Variants in FRMD1 observed in about 807,000 individuals in gnomAD.
FRMD1 encodes the protein FERM domain-containing protein 1.
A neutral mutation model predicts 54.9 loss-of-function variants in FRMD1; 51 were observed. That is an observed-to-expected ratio of 0.93 (90% CI 0.74 to 1.17). The LOEUF (loss-of-function observed/expected upper bound fraction) is 1.17. FRMD1 is among the 50% of genes most tolerant of loss of function. FRMD1 has a pLI of 0.00. For missense variants in FRMD1, 729 were observed against 743.0 expected, an observed-to-expected ratio of 0.98 and a Z score of 0.22; for synonymous variants, 324 against 306.4, an observed-to-expected ratio of 1.06 and a Z score of -0.60.
chr6:168,071,182 G>A (rs1348989956), intron 2 of FRMD1, among the ~76,000 whole-genome samples: 1 of 152,188 alleles, frequency 6.6e-6, no homozygotes, highest in Non-Finnish European at 1.5e-5. Context: ...AGGCCAGGTG[G>A]AGCCCACTCT....
At position 168,060,905 on chromosome 6, in the gene FRMD1, C is replaced by G. The variant is rs1167330038; in HGVS notation, c.1198G>C (p.Gly400Arg). 9.9e-6 allele frequency: 16 copies of G among 1,613,848 alleles called. No individual in the cohort carries two copies. The highest frequency in any genetic ancestry group is 1.4e-5 in the Non-Finnish European group (16 of 1,180,034). The change falls in exon 9 of 11, where the codon GGC becomes CGC. Residue 400 changes from glycine to arginine, a missense_variant. Coordinates refer to ENST00000283309, the MANE Select transcript of FRMD1 (RefSeq NM_024919.6). ...ADSHGSSYTS[G>R]IKANSWLRES... ...CTGAGCCAGGAGTTGGCCTTGATGC[C>G]TGACGTGTAGGAACTGCCGTGGCTG...
At chr6:168,079,265 A>G, upstream of FRMD1, 1 of 1,295,124 alleles carries the variant, frequency 7.7e-7, no homozygotes, top group East Asian at 2.6e-5. Flanking sequence ...GACAAGGGTC[A>G]GAGCTGCAAA....
rs758498585 is a variant in FRMD1, at chr6:168,066,774, C to G, written c.442G>C (p.Glu148Gln). The change falls in exon 4 of 11, where the codon GAA becomes CAA. Residue 148 changes from glutamate to glutamine, a missense_variant. Glu to Gln is a conservative substitution (Grantham distance 29). Transcript: ENST00000283309. ...VAFLRVQHYV[E>Q]NGRVISDHRA... is the part of the protein sequence containing the mutation. ...CGTTACCTTATGACCCTTCCGTTTT[C>G]CACGTAGTGCTGCACTCGGAGGAAG... 3 of 1,613,886 alleles carry G rather than the reference C, an allele frequency of 1.9e-6. No individual in the cohort carries two copies. In the Admixed American group the frequency reaches 5.0e-5, roughly 27 times the overall value.
rs139482964 is a variant in FRMD1 at position 168,092,807 on chromosome 6, C to T, written c.-12+8618G>A. Among the ~76,000 whole-genome samples, 633 of 152,338 alleles carry T rather than the reference C, an allele frequency of 4.2e-3. 5 individuals are homozygous for T. Among genetic ancestry groups the T allele is most frequent in the African/African-American group, 0.014 (598 of 41,572 alleles). ...CCAGTCACCACCAGGGTGACCTCTGCGGCAGCCACCCCGTGAGCAGGCCTG... is the reference window on the plus strand; with the variant it reads ...CCAGTCACCACCAGGGTGACCTCTGTGGCAGCCACCCCGTGAGCAGGCCTG... On this transcript the variant is annotated intron_variant, in intron 1 of 12. Coordinates refer to the FRMD1 transcript ENST00000644440.
At position 168,057,049 on chromosome 6, in the gene FRMD1, CA is replaced by C; in HGVS notation, c.*47del. 7.0e-7 allele frequency: 1 copy of C among 1,433,156 alleles called. No homozygotes were observed. Among genetic ancestry groups the C allele is most frequent in the Non-Finnish European group, 9.2e-7 (1 of 1,091,322 alleles). The allele number at this position is 1,433,156 out of a possible 1,614,324, so 88.8% of individuals were successfully genotyped here. A position where few individuals can be genotyped will look rare whatever the true frequency, so the allele number is the denominator to read the frequency against. Reference sequence around the variant, plus strand: ...GAGGGCCATGTGGAAGTGGGGTGGGCAGGGGCTGAGCCTGGCGGTGCGGACG... The same window carrying C: ...GAGGGCCATGTGGAAGTGGGGTGGGCGGGGCTGAGCCTGGCGGTGCGGACG... On this transcript the variant is annotated 3_prime_UTR_variant, in exon 11 of 11. Transcript: ENST00000283309.
intron 1 of FRMD1, among the ~76,000 whole-genome samples, chr6:168,092,648 C>T (rs1328051837): frequency 1.3e-5 from 2 of 152,236 alleles, no homozygotes; most frequent in Non-Finnish European, 2.9e-5. Flanking sequence ...GCCCTCACCA[C>T]ACACCAAATT....
chr6:168,076,324 G>T (rs990490349), intron 1 of FRMD1, among the ~76,000 whole-genome samples: 1 of 152,212 alleles, frequency 6.6e-6, no homozygotes, highest in Non-Finnish European at 1.5e-5. Flanking sequence ...TGAGTATCCA[G>T]CTTACTAATC....
At chr6:168,084,632 G>T (rs1400426692), upstream of FRMD1, among the ~76,000 whole-genome samples, 1 of 152,214 alleles carries the variant, frequency 6.6e-6, no homozygotes, top group Non-Finnish European at 1.5e-5. Flanking sequence ...AAAGGCAGGC[G>T]TGCAGGACCC....
At chr6:168,065,733 C>T in intron 4 of FRMD1, 1 of 988,602 alleles carries the variant, frequency 1.0e-6, no homozygotes, top group African/African-American at 1.7e-5. Context: ...AACCACACAC[C>T]TTTCACTCTC....
At chr6:168,072,356 G>A (rs1314528500) in intron 2 of FRMD1, among the ~76,000 whole-genome samples, 3 of 152,204 alleles carry the variant, frequency 2.0e-5, no homozygotes, top group Admixed American at 6.5e-5. Context: ...CCTGAACTCC[G>A]GATAGGGCTG....
chr6:168,090,593 G>A (rs920109851), intron 1 of FRMD1, among the ~76,000 whole-genome samples: 7 of 152,222 alleles, frequency 4.6e-5, no homozygotes, highest in Non-Finnish European at 7.3e-5. Flanking sequence ...GCTGCATACG[G>A]CGTTTAGAGT....
chr6:168,064,647 C>G (rs369244380), intron 5 of FRMD1, among the ~76,000 whole-genome samples: 174 of 152,356 alleles, frequency 1.1e-3, no homozygotes, highest in Middle Eastern at 6.8e-3. Context: ...GCACCCACAC[C>G]TGCCTGCTCA....
Position 168,073,820 on chromosome 6 carries a change from C to T in FRMD1, c.304+1425G>A, listed in dbSNP as rs541613740. Reference sequence around the variant, plus strand: ...CACTGGGAGGATGGAGTGTGGGTTCCGGTGTCCCGTGCAGGGTCCCCGGCT... The same window carrying T: ...CACTGGGAGGATGGAGTGTGGGTTCTGGTGTCCCGTGCAGGGTCCCCGGCT... On this transcript the variant is annotated intron_variant, in intron 2 of 10. Transcript: ENST00000283309. 2.6e-5 allele frequency among the ~76,000 whole-genome samples: 4 copies of T among 152,248 alleles called. No homozygotes were observed. The South Asian group carries it at 6.2e-4, about 24-fold the overall frequency.
At chr6:168,092,526 G>A (rs181504574) in intron 1 of FRMD1, among the ~76,000 whole-genome samples, 61 of 152,216 alleles carry the variant, frequency 4.0e-4, no homozygotes, top group Non-Finnish European at 8.1e-4. Context: ...ACAGTCATGG[G>A]GGTGGGGCCT....
At chr6:168,080,591 G>A (rs1374801266), upstream of FRMD1, among the ~76,000 whole-genome samples, 3 of 152,308 alleles carry the variant, frequency 2.0e-5, no homozygotes, top group East Asian at 1.9e-4. Flanking sequence ...CAGGAAGGGC[G>A]GCAGCAGCTG....
chr6:168,060,418 T>G (rs960404457), intron 9 of FRMD1, among the ~76,000 whole-genome samples: 2 of 151,740 alleles, frequency 1.3e-5, no homozygotes, highest in Non-Finnish European at 2.9e-5. Flanking sequence ...TGGGAGGGGC[T>G]CCTGAGATGG....
At chr6:168,065,772 C>G (rs1363102067) in intron 4 of FRMD1, 1 of 994,630 alleles carries the variant, frequency 1.0e-6, no homozygotes, top group Non-Finnish European at 1.2e-6. Flanking sequence ...CCACACGCCC[C>G]TCACCCCCTA....
upstream of FRMD1, among the ~76,000 whole-genome samples, chr6:168,083,142 A>T (rs552753907): frequency 2.0e-5 from 3 of 152,166 alleles, no homozygotes; most frequent in East Asian, 5.8e-4. Flanking sequence ...ACCTGCTCAG[A>T]CCTCGTAAGG....
At chr6:168,062,785 C>G (rs902392) in intron 7 of FRMD1, 109 bp downstream of exon 7, 27 of 1,599,508 alleles carry the variant, frequency 1.7e-5, no homozygotes, top group Non-Finnish European at 2.2e-5. Flanking sequence ...GGCCAGCCAG[C>G]GCCCATGACC....
Sources: allele counts gnomAD v4.1 joint callset (sites outside exome capture counted in the v4.1 genomes callset), GRCh38; gene constraint gnomAD v4.1.1; transcripts MANE v1.5; gene names NCBI Gene and HGNC (gene_info 2026-07-23, HGNC 2026-07-21).